The following RGS14 variants were observed in gnomAD, a reference collection of about 807,000 sequenced individuals.
RGS14 encodes regulator of G-protein signaling 14.
In RGS14, 33 loss-of-function variants were observed where a neutral mutation model predicts 63.8. That is an observed-to-expected ratio of 0.52 (90% CI 0.39 to 0.69). RGS14 has a LOEUF of 0.69. RGS14 is among the 30% of genes least tolerant of loss of function. The pLI is 0.00. For missense variants in RGS14, 739 were observed against 742.9 expected, an observed-to-expected ratio of 0.99 and a Z score of 0.06; for synonymous variants, 296 against 320.9, an observed-to-expected ratio of 0.92 and a Z score of 0.83.
rs552273337 is a variant in RGS14, at chr5:177,371,098, CG to C, written c.1255-63del. On this transcript the variant is annotated intron_variant, in intron 11 of 14. Transcript: ENST00000408923. The surrounding 1 kb of genome is among the most constrained non-coding windows in gnomAD (Gnocchi z 6.1). Reference sequence around the variant, plus strand: ...CCGGGGCCGGGGCCGGGGCCGGGGCCGGGGCCGGGGCCGGGGCCGGGGCCGG... The same window carrying C: ...CCGGGGCCGGGGCCGGGGCCGGGGCCGGGCCGGGGCCGGGGCCGGGGCCGG... 1,629 of 842,092 alleles carry C rather than the reference CG, an allele frequency of 1.9e-3. 77 individuals are homozygous for C. In the African/African-American group the frequency reaches 0.044, roughly 23 times the overall value. 52.2% of individuals were successfully genotyped at this position (842,092 alleles called of 1,614,324 possible). A position where few individuals can be genotyped will look rare whatever the true frequency, so the allele number is the denominator to read the frequency against.
chr5:177,363,338 C>T (rs1003938816), intron 1 of RGS14, among the ~76,000 whole-genome samples: 5 of 151,924 alleles, frequency 3.3e-5, no homozygotes, highest in Admixed American at 6.5e-5. Flanking sequence ...GGGGGCGGGG[C>T]GCGCTGGGCC....
chr5:177,370,399 T>C (rs532314376), intron 9 of RGS14, among the ~76,000 whole-genome samples, 192 bp from the exon 10 acceptor site: 22 of 152,362 alleles, frequency 1.4e-4, no homozygotes, highest in Admixed American at 7.8e-4. Flanking sequence ...CTCCCTGGCC[T>C]TGGCTTTCCT....
At chr5:177,369,457 C>A (rs1762187790) in intron 9 of RGS14, among the ~76,000 whole-genome samples, 1 of 152,158 alleles carries the variant, frequency 6.6e-6, no homozygotes, top group Non-Finnish European at 1.5e-5. Context: ...TAGACAAGTC[C>A]TAAGGCCTTG....
intron 1 of RGS14, among the ~76,000 whole-genome samples, chr5:177,362,850 T>G (rs1164459454): frequency 6.6e-6 from 1 of 151,960 alleles, no homozygotes; most frequent in Non-Finnish European, 1.5e-5. Flanking sequence ...TTAACGACAT[T>G]CAGTTAAGCA....
intron 1 of RGS14, 56 bp from the exon 2 acceptor site, chr5:177,365,907 G>A: frequency 6.3e-7 from 1 of 1,587,394 alleles, no homozygotes; most frequent in Non-Finnish European, 8.7e-7. Flanking sequence ...GCCCAGAACT[G>A]TCCCCTGGGA....
rs115205497 is a variant in RGS14, at chr5:177,372,494, C to G, written c.*419C>G. ...CAGGCAGGCAGCCCTGTACCCCACC[C>G]ACATAGACTATACTGTACATACAGA... On this transcript the variant is annotated 3_prime_UTR_variant, in exon 15 of 15. Transcript: ENST00000408923. 1,817 of 191,072 alleles carry G rather than the reference C, an allele frequency of 9.5e-3. 48 individuals carry two copies. Among genetic ancestry groups the G allele is most frequent in the African/African-American group, 0.04 (1,699 of 42,698 alleles). 11.8% of individuals were successfully genotyped at this position (191,072 alleles called of 1,614,324 possible).
At position 177,371,870 on chromosome 5, in the gene RGS14, C is replaced by T. The variant is rs1458417090; in HGVS notation, c.1499-3C>T. 6.2e-7 allele frequency: 1 copy of T among 1,609,640 alleles called. No individual in the cohort carries two copies. The highest frequency in any genetic ancestry group is 1.7e-5 in the Admixed American group (1 of 59,788). On this transcript the variant is annotated splice_region_variant and splice_polypyrimidine_tract_variant and intron_variant, in intron 14 of 14. Transcript: ENST00000408923. The surrounding 1 kb of genome is among the most constrained non-coding windows in gnomAD (Gnocchi z 6.1). ...GGACCCTCATGCTGTGGCTTGCCTC[C>T]AGGCCTGGTGGAGCTGCTGAACCGG...
At chr5:177,370,721 G>GT in intron 10 of RGS14, 57 bp downstream of exon 10, 3 of 1,591,348 alleles carry the variant, frequency 1.9e-6, no homozygotes, top group Non-Finnish European at 2.6e-6. Context: ...TTCAGGCCCT[G>GT]TTCTAGCTAC....
chr5:177,366,009 C>A, intron 2 of RGS14, 25 bp downstream of exon 2: 1 of 1,612,786 alleles, frequency 6.2e-7, no homozygotes, highest in Non-Finnish European at 8.5e-7. Flanking sequence ...GTGTGGAGAA[C>A]TGGCTGAGTG....
At chr5:177,370,156 G>T (rs1235692914) in intron 9 of RGS14, among the ~76,000 whole-genome samples, 1 of 152,234 alleles carries the variant, frequency 6.6e-6, no homozygotes, top group African/African-American at 2.4e-5. Flanking sequence ...CCAGGCCAGG[G>T]TGGTTGGTCA....
rs200760615 is a variant in RGS14, at chr5:177,370,626, G to T, written c.1089G>T (p.Ala363=). The change falls in exon 10 of 15, where the codon GCG becomes GCT. Residue 363 remains alanine (A), a synonymous_variant. Transcript: ENST00000408923. ...LVLDQDCTVL[A]DQEVRLENRI... ...TGGATCAGGACTGCACCGTGCTGGC[G>T]GATCAGGAAGTGCGGCTGGAAAACA... The T allele has an allele frequency of 6.2e-7, 1 of 1,613,966 alleles. No individual in the cohort carries two copies. The highest frequency in any genetic ancestry group is 8.5e-7 in the Non-Finnish European group (1 of 1,179,998).
chr5:177,371,257 C>T lies in RGS14; in HGVS notation c.1336+11C>T, dbSNP rs1273687424. 1 of 1,614,076 alleles carries T rather than the reference C, an allele frequency of 6.2e-7. No homozygotes were observed. Among genetic ancestry groups the T allele is most frequent in the South Asian group, 1.1e-5 (1 of 91,088 alleles). On this transcript the variant is annotated intron_variant, in intron 12 of 14. Coordinates refer to ENST00000408923, the MANE Select transcript of RGS14 (RefSeq NM_006480.5). The surrounding 1 kb of genome is among the most constrained non-coding windows in gnomAD (Gnocchi z 6.1). Reference sequence around the variant, plus strand: ...TGGACACTCTTCCAGGTAGGGGACGCTGGCCTCGGGGCTTGATCTGGAACA... The same window carrying T: ...TGGACACTCTTCCAGGTAGGGGACGTTGGCCTCGGGGCTTGATCTGGAACA...
Position 177,359,532 on chromosome 5 carries a change from C to T in RGS14, c.45+1463C>T, listed in dbSNP as rs1761911585. 6.6e-6 allele frequency among the ~76,000 whole-genome samples: 1 copy of T among 152,202 alleles called. No individual in the cohort carries two copies. The highest frequency in any genetic ancestry group is 6.5e-5 in the Admixed American group (1 of 15,288). On this transcript the variant is annotated intron_variant, in intron 1 of 14. Coordinates refer to ENST00000408923, the MANE Select transcript of RGS14 (RefSeq NM_006480.5). The surrounding 1 kb of genome is among the most constrained non-coding windows in gnomAD (Gnocchi z 4.4). ...GAGACAGACCCAGCCCCTGCCCCTTCTGTGTCAGCCTGTGACTTCTCTACT... is the reference window on the plus strand; with the variant it reads ...GAGACAGACCCAGCCCCTGCCCCTTTTGTGTCAGCCTGTGACTTCTCTACT...
chr5:177,364,000 G>A, intron 1 of RGS14, among the ~76,000 whole-genome samples: 1 of 152,206 alleles, frequency 6.6e-6, no homozygotes, highest in East Asian at 1.9e-4. Flanking sequence ...CTTTTTAAAT[G>A]TGGAAAATAC....
chr5:177,367,767 G>A lies in RGS14; in HGVS notation c.681G>A (p.Gly227=), dbSNP rs1295261168. 1 of 1,612,796 alleles carries A rather than the reference G, an allele frequency of 6.2e-7. No homozygotes were observed. ...TGCCGCTGGGTGTGGAGGAGTTGGG[G>A]CAGCTGCCACCCGTTGAGGGTCCTG... The part of the protein sequence containing the change: ...KSLPLGVEEL[G]QLPPVEGPGG... The change falls in exon 7 of 15, where the codon GGG becomes GGA. Residue 227 remains glycine, a synonymous_variant. Transcript: ENST00000408923.
At chr5:177,367,959 C>T (rs1407888249) in intron 7 of RGS14, 134 bp downstream of exon 7, 2 of 1,437,770 alleles carry the variant, frequency 1.4e-6, no homozygotes, top group Non-Finnish European at 1.8e-6. Context: ...CAGTGACCAC[C>T]ACACTCCCCT....
Position 177,357,988 on chromosome 5 carries a change from G to T in RGS14, c.-37G>T. On this transcript the variant is annotated 5_prime_UTR_variant, in exon 1 of 15. Coordinates refer to ENST00000408923, the MANE Select transcript of RGS14 (RefSeq NM_006480.5). ...GCGCTGCCCACAGTCCCCATGGTGG[G>T]CAGCCCCCGCGGCGGGGACCCCTGA... 2 of 1,335,042 alleles carry T rather than the reference G, an allele frequency of 1.5e-6. No homozygotes were observed. The highest frequency in any genetic ancestry group is 1.9e-6 in the Non-Finnish European group (2 of 1,034,926). 82.7% of individuals were successfully genotyped at this position (1,335,042 alleles called of 1,614,324 possible).
At chr5:177,362,031 T>C (rs929897358) in intron 1 of RGS14, among the ~76,000 whole-genome samples, 12 of 152,196 alleles carry the variant, frequency 7.9e-5, no homozygotes, top group Admixed American at 6.5e-4. Context: ...TGTGGGGTGC[T>C]GCTCTGATTG....
intron 9 of RGS14, among the ~76,000 whole-genome samples, chr5:177,370,292 C>A (rs774045614): frequency 2.0e-5 from 3 of 152,188 alleles, no homozygotes; most frequent in Non-Finnish European, 2.9e-5. Context: ...GCCAGAGATC[C>A]CGGATCTAGG....
Sources: gnomAD v4.1 joint callset for allele counts (sites outside exome capture counted in the v4.1 genomes callset) on GRCh38, gnomAD v4.1.1 for gene constraint, Gnocchi (gnomAD v3.1) non-coding constraint, MANE v1.5 for transcripts, NCBI Gene and HGNC (gene_info 2026-07-23, HGNC 2026-07-21) for gene names.